HERC3: variants seen among roughly 807,000 people sequenced by gnomAD.
The protein encoded by HERC3 is probable E3 ubiquitin-protein ligase HERC3.
A neutral mutation model predicts 129.9 loss-of-function variants in HERC3; 58 were observed. The ratio of observed to expected loss-of-function variants is 0.45; its 90% confidence interval spans 0.36 to 0.56. HERC3 has a LOEUF of 0.56. Ranked by LOEUF, HERC3 falls within the 20% of genes least tolerant of loss-of-function variation. The pLI is 0.00. For synonymous variants in HERC3, 430 were observed against 451.0 expected (o/e 0.95, Z 0.59); for missense variants, 835 against 1,244.2 (o/e 0.67, Z 4.95).
At chr4:88,638,865 C>A (rs1727751033) in intron 3 of HERC3, among the ~76,000 whole-genome samples, 1 of 151,818 alleles carries the variant, frequency 6.6e-6, no homozygotes, top group African/African-American at 2.4e-5. Flanking sequence ...CCAAAAATGC[C>A]TTGAGCCGAT....
At chr4:88,654,259 T>C (rs1729601806) in intron 7 of HERC3, 126 bp downstream of exon 7, 1 of 526,150 alleles carries the variant, frequency 1.9e-6, no homozygotes, top group Non-Finnish European at 3.3e-6. Context: ...ATGCTCTCTT[T>C]TATGTGGGTT....
At chr4:88,633,655 T>A (rs1727019087) in intron 3 of HERC3, among the ~76,000 whole-genome samples, 1 of 151,790 alleles carries the variant, frequency 6.6e-6, no homozygotes, top group Non-Finnish European at 1.5e-5. Context: ...ACAAAATAGG[T>A]AAAAATCCAA....
At chr4:88,582,608 A>C in the HERC3 span, among the ~76,000 whole-genome samples, 1 of 152,260 alleles carries the variant, frequency 6.6e-6, no homozygotes. Context: ...CAACCAGTCA[A>C]GATTAGTCAC....
chr4:88,561,542 A>T, the HERC3 span, among the ~76,000 whole-genome samples: 1 of 152,118 alleles, frequency 6.6e-6, no homozygotes, highest in African/African-American at 2.4e-5. Context: ...TGGTTATTTT[A>T]AAATGAACAA....
At chr4:88,669,153 A>G (rs1731351117) in intron 14 of HERC3, among the ~76,000 whole-genome samples, 1 of 152,192 alleles carries the variant, frequency 6.6e-6, no homozygotes, top group African/African-American at 2.4e-5. Flanking sequence ...TGCTACAGGT[A>G]GTCACCACAC....
At chr4:88,574,757 T>C in the HERC3 span, among the ~76,000 whole-genome samples, 1 of 152,198 alleles carries the variant, frequency 6.6e-6, no homozygotes, top group Admixed American at 6.5e-5. Flanking sequence ...GATACTACCT[T>C]TCGAAGGCCG....
chr4:88,674,600 TC>T (rs1404076468), intron 16 of HERC3, among the ~76,000 whole-genome samples: 29 of 152,334 alleles, frequency 1.9e-4, no homozygotes, highest in Admixed American at 1.5e-3. Context: ...AAGCCTACTT[TC>T]TTTCCCAGGA....
intron 3 of HERC3, among the ~76,000 whole-genome samples, chr4:88,607,666 G>A (rs912329350): frequency 2.8e-4 from 42 of 152,162 alleles, no homozygotes; most frequent in African/African-American, 9.4e-4. Flanking sequence ...ACGGAGTTTT[G>A]CCATGTTGTC....
intron 3 of HERC3, among the ~76,000 whole-genome samples, chr4:88,628,088 G>A (rs938466670): frequency 7.2e-5 from 11 of 152,108 alleles, no homozygotes; most frequent in Non-Finnish European, 2.9e-5. Flanking sequence ...TGTTGTTCAT[G>A]TCTTCTATAC....
the HERC3 span, among the ~76,000 whole-genome samples, chr4:88,535,553 C>T: frequency 1.3e-5 from 2 of 152,132 alleles, no homozygotes; most frequent in African/African-American, 2.4e-5. Flanking sequence ...GTAAATGATA[C>T]CACCATCTTC....
chr4:88,659,919 AG>A (rs528797745), intron 10 of HERC3, among the ~76,000 whole-genome samples: 2 of 152,308 alleles, frequency 1.3e-5, no homozygotes, highest in South Asian at 4.2e-4. Context: ...ACTGATGAGA[AG>A]GAAGTGAAGT....
chr4:88,650,051 A>G (rs1462882973), intron 4 of HERC3, 52 bp downstream of exon 4: 4 of 1,557,586 alleles, frequency 2.6e-6, no homozygotes, highest in Non-Finnish European at 3.5e-6. Flanking sequence ...CCTGCTGTTG[A>G]TTTGTTAGAC....
intron 16 of HERC3, among the ~76,000 whole-genome samples, chr4:88,676,016 T>G (rs955402415): frequency 2.0e-5 from 3 of 152,328 alleles, no homozygotes; most frequent in East Asian, 3.9e-4. Context: ...AAATGTTTTT[T>G]AATTGCTTTT....
chr4:88,561,184 CTT>C, the HERC3 span, among the ~76,000 whole-genome samples: 2 of 148,134 alleles, frequency 1.4e-5, no homozygotes, highest in African/African-American at 4.9e-5. Flanking sequence ...CATTGACACA[CTT>C]AAATATTTTT....
chr4:88,703,405 C>T (rs1027676963), intron 23 of HERC3, among the ~76,000 whole-genome samples: 5 of 152,242 alleles, frequency 3.3e-5, no homozygotes, highest in Admixed American at 6.5e-5. Flanking sequence ...TCCATGGTTG[C>T]GATATGGTTC....
At chr4:88,666,111 T>A (rs1481194445) in intron 12 of HERC3, among the ~76,000 whole-genome samples, 1 of 152,234 alleles carries the variant, frequency 6.6e-6, no homozygotes, top group Non-Finnish European at 1.5e-5. Flanking sequence ...CCGTTCTAGA[T>A]GGATAGCTTT....
chr4:88,700,740 T>C (rs1327341937), intron 23 of HERC3, among the ~76,000 whole-genome samples: 1 of 152,088 alleles, frequency 6.6e-6, no homozygotes, highest in African/African-American at 2.4e-5. Flanking sequence ...AAAGAATTGG[T>C]TCATGTGATT....
In HERC3 at chr4:88,667,404, CA is replaced by C; in HGVS notation, c.1363del (p.Ile455SerfsTer6). 1 of 1,604,194 alleles carries C rather than the reference CA, an allele frequency of 6.2e-7. No individual in the cohort carries two copies. Among genetic ancestry groups the C allele is most frequent in the Non-Finnish European group, 8.5e-7 (1 of 1,175,530 alleles). ...TTGATGAACATTTTAAAACGAGTCCCAAAATCCCTGGGATTGACCTGAACTC... is the reference window on the plus strand; with the variant it reads ...TTGATGAACATTTTAAAACGAGTCCCAAATCCCTGGGATTGACCTGAACTC... The part of the protein sequence containing the change: ...KIDEHFKTSP[K>X]IPGIDLNSTR... On this transcript the variant is annotated frameshift_variant, in exon 13 of 26. Transcript: ENST00000402738. LOFTEE classifies it high-confidence loss of function.
rs778135353 is a variant in HERC3 at position 88,687,219 on chromosome 4, C to T, written c.2577C>T (p.Ile859=). ...TCTTTTTTCCACCTTAAATATAGAT[C>T]TGCCGAGAAAGCTATGGAGTGATTG... ...VEETFCLNFT[I]CRESYGVIEQ... Residue 859 remains isoleucine, a splice_region_variant and synonymous_variant, in exon 23 of 26, where the codon ATC becomes ATT. Transcript: ENST00000402738. 7 of 1,608,022 alleles carry T rather than the reference C, an allele frequency of 4.4e-6. No homozygotes were observed. In the East Asian group the frequency reaches 1.3e-4, roughly 31 times the overall value.
Sources: allele counts gnomAD v4.1 joint callset (sites outside exome capture counted in the v4.1 genomes callset), GRCh38; gene constraint gnomAD v4.1.1; transcripts MANE v1.5; gene names NCBI Gene and HGNC (gene_info 2026-07-23, HGNC 2026-07-21).